Variants in PALS2 observed in about 807,000 individuals in gnomAD.
PALS2 encodes protein PALS2.
PALS2 carries 27 observed loss-of-function variants against 61.6 expected under a neutral mutation model. The ratio of observed to expected loss-of-function variants is 0.44; its 90% confidence interval spans 0.32 to 0.60. The LOEUF is 0.60. PALS2 is among the 20% of genes least tolerant of loss of function. The probability of loss-of-function intolerance (pLI) is 0.05; values close to 1 mark genes in which losing one functional copy is unlikely to be tolerated. For missense variants in PALS2, 554 were observed against 639.4 expected, an observed-to-expected ratio of 0.87 and a Z score of 1.44; for synonymous variants, 236 against 218.6, an observed-to-expected ratio of 1.08 and a Z score of -0.70.
intron 1 of PALS2, among the ~76,000 whole-genome samples, chr7:24,588,757 A>G (rs1451140840): frequency 6.6e-6 from 1 of 152,230 alleles, no homozygotes; most frequent in Non-Finnish European, 1.5e-5. Flanking sequence ...AAATTCTAGA[A>G]TGAAACAAGG....
chr7:24,664,328 C>A lies in PALS2; in HGVS notation c.783+607C>A, dbSNP rs187717013. ...GATCTGTTTAATGGTATTCTTTTTT[C>A]TTCTCCTAATGCAGCTTTCAGAAAC... On this transcript the variant is annotated intron_variant, in intron 6 of 11. Coordinates refer to ENST00000222644, the MANE Select transcript of PALS2 (RefSeq NM_001303037.2). 4.5e-4 allele frequency among the ~76,000 whole-genome samples: 69 copies of A among 151,964 alleles called. 1 individual carries two copies. The highest frequency in any genetic ancestry group is 1.6e-3 in the African/African-American group (66 of 41,486).
At chr7:24,677,423 TGA>T (rs1283108549) in intron 9 of PALS2, among the ~76,000 whole-genome samples, 1 of 151,880 alleles carries the variant, frequency 6.6e-6, no homozygotes, top group Non-Finnish European at 1.5e-5. Flanking sequence ...ATAGGAGTGG[TGA>T]GAGAGGGCAT....
chr7:24,681,586 C>G (rs1787934164), intron 11 of PALS2, among the ~76,000 whole-genome samples: 1 of 147,938 alleles, frequency 6.8e-6, no homozygotes, highest in African/African-American at 2.5e-5. Flanking sequence ...AAGATCAACA[C>G]ATTGAATTTA....
rs1788319511 is a variant in PALS2 at position 24,688,577 on chromosome 7, A to G, written c.*963A>G. On this transcript the variant is annotated 3_prime_UTR_variant, in exon 12 of 12. Coordinates refer to ENST00000222644, the MANE Select transcript of PALS2 (RefSeq NM_001303037.2). The stretch of plus-strand genomic sequence containing the variant: ...TGTTTAGAGATGCCTCTAAGTTTGC[A>G]GTTGGAGGTTTTTGTGCTTTTAGAA... 1 of 152,132 alleles carries G rather than the reference A, an allele frequency of 6.6e-6. No individual in the cohort carries two copies. Among genetic ancestry groups the G allele is most frequent in the South Asian group, 2.1e-4 (1 of 4,834 alleles). The allele number at this position is 152,132 out of a possible 1,614,324, so 9.4% of individuals were successfully genotyped here.
chr7:24,692,420 AT>A lies in PALS2; in HGVS notation c.*4809del, dbSNP rs1788518125. 6.6e-6 allele frequency: 1 copy of A among 151,944 alleles called. No homozygotes were observed. Among genetic ancestry groups the A allele is most frequent in the Non-Finnish European group, 1.5e-5 (1 of 67,996 alleles). The allele number at this position is 151,944 out of a possible 1,614,324, so 9.4% of individuals were successfully genotyped here. On this transcript the variant is annotated 3_prime_UTR_variant, in exon 12 of 12. Coordinates refer to ENST00000222644, the MANE Select transcript of PALS2 (RefSeq NM_001303037.2). ...ATATTTGTCTTCGCCTTAAATTCTG[AT>A]TTGTAATTTGTAACTCTGATGTGGT...
At chr7:24,640,875 G>GC (rs1414288416) in intron 2 of PALS2, among the ~76,000 whole-genome samples, 1 of 151,872 alleles carries the variant, frequency 6.6e-6, no homozygotes, top group African/African-American at 2.4e-5. Context: ...AGGCTTGGTG[G>GC]CGGGTACCTG....
chr7:24,606,769 T>C (rs1783914718), intron 1 of PALS2, among the ~76,000 whole-genome samples: 1 of 152,068 alleles, frequency 6.6e-6, no homozygotes, highest in Admixed American at 6.6e-5. Flanking sequence ...ACAGGTTGAG[T>C]ATCCCTAATC....
Position 24,678,045 on chromosome 7 carries a change from C to T in PALS2, c.1115-1086C>T, listed in dbSNP as rs568899443. Among the ~76,000 whole-genome samples the T allele has an allele frequency of 2.6e-5, 4 of 152,266 alleles. No individual in the cohort carries two copies. The East Asian group carries it at 7.7e-4, about 29-fold the overall frequency. ...GTAGTTAATAATTCCATCAGTTATTCTCCAACTACTTAGCTAATAGAAACA... is the reference window on the plus strand; with the variant it reads ...GTAGTTAATAATTCCATCAGTTATTTTCCAACTACTTAGCTAATAGAAACA... On this transcript the variant is annotated intron_variant, in intron 9 of 11. Transcript: ENST00000222644.
chr7:24,583,713 A>T (rs1449613715), intron 1 of PALS2, among the ~76,000 whole-genome samples: 2 of 147,660 alleles, frequency 1.4e-5, no homozygotes, highest in African/African-American at 5.1e-5. Flanking sequence ...CACATTGTGC[A>T]GGTTAGTTAC....
rs566410085 is a variant in PALS2, at chr7:24,675,588, G to A, written c.1115-3543G>A. ...CCCAGAGTGTGATGTTCCCCTTCCT[G>A]TGTCCATGTGTTCTCATTGTTCAGT... On this transcript the variant is annotated intron_variant, in intron 9 of 11. Transcript: ENST00000222644. Among the ~76,000 whole-genome samples, 18 of 127,980 alleles carry A rather than the reference G, an allele frequency of 1.4e-4. No homozygotes were observed. The South Asian group carries it at 3.8e-3, about 27-fold the overall frequency. The allele number at this position is 127,980 out of a possible 152,430, so 84.0% of individuals were successfully genotyped here.
At chr7:24,635,140 A>G (rs1267776357) in intron 2 of PALS2, among the ~76,000 whole-genome samples, 1 of 152,204 alleles carries the variant, frequency 6.6e-6, no homozygotes, top group Non-Finnish European at 1.5e-5. Context: ...ATTGCATTGA[A>G]TCCGTAGTTC....
intron 2 of PALS2, among the ~76,000 whole-genome samples, chr7:24,638,149 A>G (rs1013634953): frequency 4.6e-5 from 7 of 151,966 alleles, no homozygotes; most frequent in Admixed American, 2.0e-4. Flanking sequence ...GTTTTTGACA[A>G]CATCTCAGAG....
intron 1 of PALS2, among the ~76,000 whole-genome samples, chr7:24,599,545 C>T (rs1395121455): frequency 1.4e-5 from 2 of 141,464 alleles, no homozygotes; most frequent in African/African-American, 5.6e-5. Flanking sequence ...TGCCCTGTCA[C>T]CCAGGCTGGA....
At chr7:24,664,623 TCTTA>T (rs1166599415) in intron 6 of PALS2, among the ~76,000 whole-genome samples, 2 of 152,140 alleles carry the variant, frequency 1.3e-5, no homozygotes, top group Non-Finnish European at 2.9e-5. Context: ...ATGAGAACAA[TCTTA>T]CTTATGTGTC....
At chr7:24,640,901 G>A (rs1446805035) in intron 2 of PALS2, among the ~76,000 whole-genome samples, 2 of 151,460 alleles carry the variant, frequency 1.3e-5, no homozygotes, top group East Asian at 1.9e-4. Context: ...CCAGCTACTT[G>A]GGAGGCTGAG....
chr7:24,680,454 G>A lies in PALS2; in HGVS notation c.1380G>A (p.Glu460=), dbSNP rs17149856. The part of the protein sequence containing the change: ...MPYVVFIAAP[E]LETLRAMHKA... ...ATGTGGTATTTATTGCGGCTCCGGA[G>A]CTAGAGACGTTACGTGCCATGCACA... Residue 460 remains glutamate (E), a synonymous_variant, in exon 11 of 12, where the codon GAG becomes GAA. Transcript: ENST00000222644. The A allele has an allele frequency of 3.0e-3, 4,899 of 1,613,974 alleles. 136 individuals are homozygous for A. In the African/African-American group the frequency reaches 0.058, roughly 19 times the overall value.
Position 24,659,769 on chromosome 7 carries a change from G to C in PALS2, c.652-3821G>C, listed in dbSNP as rs114267365. On this transcript the variant is annotated intron_variant, in intron 5 of 11. Transcript: ENST00000222644. ...TCAAATGATTCTTTACCATCATTGA[G>C]GAAAGAGCTACACAGAGAGAGGATG... is the stretch of plus-strand genomic sequence containing the variant. Among the ~76,000 whole-genome samples the C allele has an allele frequency of 5.2e-3, 790 of 152,212 alleles. 6 individuals carry two copies. The highest frequency in any genetic ancestry group is 0.017 in the African/African-American group (722 of 41,538).
rs144316210 is a variant in PALS2, at chr7:24,639,889, T to C, written c.118-1827T>C. Among the ~76,000 whole-genome samples the C allele has an allele frequency of 6.5e-3, 966 of 147,864 alleles. 11 individuals are homozygous for C. The highest frequency in any genetic ancestry group is 0.023 in the African/African-American group (921 of 40,008). ...TGGAGTGCAGTGGCATGATCTTGGCTCACTGCAGCCTCCGCCTCCTGGGTT... is the reference window on the plus strand; with the variant it reads ...TGGAGTGCAGTGGCATGATCTTGGCCCACTGCAGCCTCCGCCTCCTGGGTT... On this transcript the variant is annotated intron_variant, in intron 2 of 11. Coordinates refer to ENST00000222644, the MANE Select transcript of PALS2 (RefSeq NM_001303037.2).
intron 1 of PALS2, among the ~76,000 whole-genome samples, chr7:24,623,427 A>C (rs925520689): frequency 9.9e-5 from 15 of 152,042 alleles, no homozygotes; most frequent in Non-Finnish European, 2.1e-4. Context: ...AGTATGTGTA[A>C]GGTAGTCTGA....
Sources: allele counts gnomAD v4.1 joint callset (sites outside exome capture counted in the v4.1 genomes callset), GRCh38; gene constraint gnomAD v4.1.1; transcripts MANE v1.5; gene names NCBI Gene and HGNC (gene_info 2026-07-23, HGNC 2026-07-21).